RPS6KA2: variants seen among roughly 807,000 people sequenced by gnomAD.
RPS6KA2 encodes ribosomal protein S6 kinase A2, also known as ribosomal protein S6 kinase alpha-2.
A neutral mutation model predicts 91.8 loss-of-function variants in RPS6KA2; 42 were observed. That is an observed-to-expected ratio of 0.46 (90% CI 0.36 to 0.59). The LOEUF is 0.59. Ranked by LOEUF, RPS6KA2 falls within the 20% of genes least tolerant of loss-of-function variation. The pLI is 0.00. For missense variants in RPS6KA2, 798 were observed against 978.5 expected (o/e 0.82, Z 2.46); for synonymous variants, 414 against 393.6 (o/e 1.05, Z -0.61).
In RPS6KA2 at chr6:166,423,311, G is replaced by A. The variant is rs538021247; in HGVS notation, c.1688C>T (p.Ala563Val). ...GGGTGTCATGAGCAGCCCGTTCCCC[G>A]CGCGCAGCTGCTTGGCAAAGCCGAA... ...CDFGFAKQLRAGNGLLMTPCY... is the reference protein window; with the variant it reads ...CDFGFAKQLRVGNGLLMTPCY... The change falls in exon 17 of 21, where the codon GCG becomes GTG. Residue 563 changes from alanine (A) to valine (V), a missense_variant. Transcript: ENST00000265678. The surrounding 1 kb of genome is among the most constrained non-coding windows in gnomAD (Gnocchi z 4.8). 1.9e-6 allele frequency: 3 copies of A among 1,614,038 alleles called. No homozygotes were observed. The highest frequency in any genetic ancestry group is 2.5e-6 in the Non-Finnish European group (3 of 1,179,972).
intron 1 of RPS6KA2, among the ~76,000 whole-genome samples, chr6:166,610,880 A>G (rs920824794): frequency 6.6e-6 from 1 of 152,204 alleles, no homozygotes; most frequent in Admixed American, 6.5e-5. Context: ...TAAAATCAGT[A>G]CTTATTTCTG....
At chr6:166,800,234 G>A (rs978193929) in intron 2 of RPS6KA2, among the ~76,000 whole-genome samples, 5 of 152,266 alleles carry the variant, frequency 3.3e-5, no homozygotes, top group South Asian at 2.1e-4. Flanking sequence ...CCAGGAGGCC[G>A]GCAAAGAGGC....
intron 2 of RPS6KA2, among the ~76,000 whole-genome samples, chr6:166,744,702 G>C (rs1440537995): frequency 6.6e-6 from 1 of 152,206 alleles, no homozygotes; most frequent in Non-Finnish European, 1.5e-5. Context: ...AGGAGAGGAG[G>C]AGATGACACC....
intron 17 of RPS6KA2, among the ~76,000 whole-genome samples, chr6:166,421,087 C>T (rs1015932201): frequency 3.3e-5 from 5 of 152,220 alleles, no homozygotes; most frequent in African/African-American, 4.8e-5. Context: ...ATGTGGTGCT[C>T]ATGGTGCAAG....
chr6:166,566,473 A>C (rs1452779905), intron 1 of RPS6KA2, among the ~76,000 whole-genome samples: 1 of 152,198 alleles, frequency 6.6e-6, no homozygotes, highest in African/African-American at 2.4e-5. Flanking sequence ...CCACCACATC[A>C]CCAGAGGTTC....
chr6:166,659,116 G>T (rs559263085), intron 2 of RPS6KA2, among the ~76,000 whole-genome samples: 54 of 152,194 alleles, frequency 3.5e-4, no homozygotes, highest in African/African-American at 1.2e-3. Context: ...CCAACTGACT[G>T]TGCAAATTGG....
At chr6:166,441,976 C>G (rs375768064) in intron 14 of RPS6KA2, among the ~76,000 whole-genome samples, 18 of 152,196 alleles carry the variant, frequency 1.2e-4, no homozygotes, top group East Asian at 1.2e-3. Flanking sequence ...GTCCGGCTGC[C>G]GCTCAGCACT....
chr6:166,522,188 A>G (rs1361665768), intron 3 of RPS6KA2, among the ~76,000 whole-genome samples: 1 of 152,222 alleles, frequency 6.6e-6, no homozygotes, highest in African/African-American at 2.4e-5. Context: ...ATATTATAGC[A>G]TACTGTTCTG....
intron 2 of RPS6KA2, among the ~76,000 whole-genome samples, chr6:166,842,972 T>C (rs1005091773): frequency 2.0e-5 from 3 of 152,100 alleles, no homozygotes; most frequent in African/African-American, 4.8e-5. Context: ...CTGCCTGCCT[T>C]CTCAGTGGGG....
chr6:166,694,171 T>C (rs1789293744), intron 2 of RPS6KA2, among the ~76,000 whole-genome samples: 1 of 152,216 alleles, frequency 6.6e-6, no homozygotes, highest in South Asian at 2.1e-4. Flanking sequence ...CGGAGGTTCT[T>C]TGCCATGTGG....
At chr6:166,607,176 C>T (rs940723512) in intron 1 of RPS6KA2, among the ~76,000 whole-genome samples, 1 of 147,502 alleles carries the variant, frequency 6.8e-6, no homozygotes, top group Non-Finnish European at 1.5e-5. Context: ...TCTATCACTG[C>T]TGGGTGGGAA....
rs1785706845 is a variant in RPS6KA2, at chr6:166,600,836, T to C, written c.99+26085A>G. 2.0e-5 allele frequency among the ~76,000 whole-genome samples: 3 copies of C among 152,354 alleles called. No homozygotes were observed. The South Asian group carries it at 6.2e-4, about 32-fold the overall frequency. On this transcript the variant is annotated intron_variant, in intron 1 of 20. Transcript: ENST00000265678. ...ATGGAATATGCATGCATTTTGAAAT[T>C]GGTCTTATCAAAATCAGTAGGAAAT...
At chr6:166,788,715 C>G (rs1191289264) in intron 2 of RPS6KA2, among the ~76,000 whole-genome samples, 1 of 152,054 alleles carries the variant, frequency 6.6e-6, no homozygotes, top group Non-Finnish European at 1.5e-5. Flanking sequence ...GGGAGAGCAT[C>G]AGGACAAATA....
At chr6:166,436,587 A>C (rs1779316632) in intron 14 of RPS6KA2, among the ~76,000 whole-genome samples, 1 of 151,960 alleles carries the variant, frequency 6.6e-6, no homozygotes, top group African/African-American at 2.4e-5. Flanking sequence ...TTCTCTTCCC[A>C]CTCTTGTCCT....
intron 2 of RPS6KA2, among the ~76,000 whole-genome samples, chr6:166,841,063 C>G (rs369133700): frequency 1.3e-5 from 2 of 151,898 alleles, no homozygotes; most frequent in African/African-American, 4.8e-5. Flanking sequence ...GGTAGGATCA[C>G]TTGAGGTTGG....
At chr6:166,697,055 A>ATG (rs749210191) in intron 2 of RPS6KA2, among the ~76,000 whole-genome samples, 14 of 137,112 alleles carry the variant, frequency 1.0e-4, no homozygotes, top group Non-Finnish European at 1.6e-4. Flanking sequence ...GTGTGTATAT[A>ATG]TATGTGTGTG....
intron 1 of RPS6KA2, among the ~76,000 whole-genome samples, chr6:166,546,813 T>C (rs1180258313): frequency 1.3e-5 from 2 of 152,216 alleles, no homozygotes; most frequent in East Asian, 1.9e-4. Context: ...CCAGAATAAG[T>C]TGATGGCTGC....
chr6:166,840,903 C>T (rs1780456918), intron 2 of RPS6KA2, among the ~76,000 whole-genome samples: 1 of 151,458 alleles, frequency 6.6e-6, no homozygotes, highest in Non-Finnish European at 1.5e-5. Context: ...GCAGAGGTTG[C>T]GGTGAGCTGA....
chr6:166,842,580 G>C (rs1338357638), intron 2 of RPS6KA2, among the ~76,000 whole-genome samples: 1 of 152,204 alleles, frequency 6.6e-6, no homozygotes, highest in African/African-American at 2.4e-5. Flanking sequence ...TTGTTGCAAG[G>C]CTCCAGGAGA....
Sources: allele counts gnomAD v4.1 joint callset (sites outside exome capture counted in the v4.1 genomes callset), GRCh38; gene constraint gnomAD v4.1.1; non-coding constraint Gnocchi (gnomAD v3.1); transcripts MANE v1.5; gene names NCBI Gene and HGNC (gene_info 2026-07-23, HGNC 2026-07-21).